Variants in TANC2 observed in about 807,000 individuals in gnomAD.
The protein encoded by TANC2 is tetratricopeptide repeat, ankyrin repeat and coiled-coil containing 2.
TANC2 carries 26 observed loss-of-function variants against 210.5 expected under a neutral mutation model. The ratio of observed to expected loss-of-function variants is 0.12; its 90% CI spans 0.09 to 0.17. The LOEUF (loss-of-function observed/expected upper bound fraction) is 0.17, where lower values mean the gene tolerates loss of function less well. TANC2 is among the 10% of genes least tolerant of loss of function. The pLI is 1.00. For missense variants in TANC2, 2,129 were observed against 2,608.9 expected (o/e 0.82, Z 4.01); for synonymous variants, 931 against 967.1 (o/e 0.96, Z 0.69).
At chr17:63,237,083 T>C (rs1170529003) in intron 7 of TANC2, among the ~76,000 whole-genome samples, 1 of 152,166 alleles carries the variant, frequency 6.6e-6, no homozygotes, top group African/African-American at 2.4e-5. Context: ...TCCTTAATGG[T>C]TGTTGTAATT....
intron 2 of TANC2, among the ~76,000 whole-genome samples, chr17:63,033,117 A>G (rs1209981155): frequency 6.6e-6 from 1 of 152,208 alleles, no homozygotes; most frequent in Non-Finnish European, 1.5e-5. Flanking sequence ...CTCCTGTGGA[A>G]TTGGGGTGCC....
At chr17:63,039,309 G>C (rs2035092387) in intron 2 of TANC2, among the ~76,000 whole-genome samples, 1 of 152,028 alleles carries the variant, frequency 6.6e-6, no homozygotes, top group Non-Finnish European at 1.5e-5. Flanking sequence ...ATTTATTTTT[G>C]GCTACTTAAT....
intron 7 of TANC2, among the ~76,000 whole-genome samples, chr17:63,202,947 A>G (rs1038459284): frequency 3.9e-5 from 6 of 152,126 alleles, no homozygotes; most frequent in Admixed American, 3.3e-4. Flanking sequence ...ATGAACACCA[A>G]ATTTCTTGCT....
intron 4 of TANC2, among the ~76,000 whole-genome samples, chr17:63,136,418 T>C (rs1334438086): frequency 1.3e-5 from 2 of 152,214 alleles, no homozygotes; most frequent in Non-Finnish European, 2.9e-5. Flanking sequence ...ATCCCCAGTT[T>C]TCTTAGGCCT....
chr17:63,407,396 T>C (rs966757762), intron 21 of TANC2, among the ~76,000 whole-genome samples: 3 of 152,174 alleles, frequency 2.0e-5, no homozygotes, highest in Admixed American at 2.0e-4. Flanking sequence ...AGAGTAATAT[T>C]CCAGAACAAA....
intron 2 of TANC2, among the ~76,000 whole-genome samples, chr17:63,063,674 T>TGTGTGTGTGTGTGTGTG (rs2036089000): frequency 1.0e-4 from 14 of 137,422 alleles, no homozygotes; most frequent in Non-Finnish European, 1.4e-4. Context: ...TTACCCAGTA[T>TGTGTGTGTGTGTGTGTG]TGTGTGTGTG....
At chr17:63,222,718 T>TA (rs2042226578) in intron 7 of TANC2, among the ~76,000 whole-genome samples, 1 of 111,132 alleles carries the variant, frequency 9.0e-6, no homozygotes, top group Non-Finnish European at 1.8e-5. Context: ...TAAAACTGAT[T>TA]AAACACACAC....
intron 4 of TANC2, among the ~76,000 whole-genome samples, chr17:63,143,242 T>A (rs1476004824): frequency 6.6e-6 from 1 of 152,238 alleles, no homozygotes; most frequent in Non-Finnish European, 1.5e-5. Context: ...AGTTTTCATG[T>A]TTGTGAAGTA....
chr17:63,408,279 C>G (rs1473505717), intron 21 of TANC2, among the ~76,000 whole-genome samples: 1 of 152,150 alleles, frequency 6.6e-6, no homozygotes, highest in Non-Finnish European at 1.5e-5. Flanking sequence ...TTAAAGATAA[C>G]TCCAGAGTTG....
intron 5 of TANC2, among the ~76,000 whole-genome samples, chr17:63,165,522 C>G (rs1349280900): frequency 6.6e-6 from 1 of 152,166 alleles, no homozygotes; most frequent in Non-Finnish European, 1.5e-5. Context: ...GTCTGTAGGT[C>G]TTTCCCATTA....
chr17:62,986,047 C>T (rs764254341), intron 1 of TANC2, among the ~76,000 whole-genome samples: 52 of 152,114 alleles, frequency 3.4e-4, no homozygotes, highest in Non-Finnish European at 6.6e-4. Context: ...CTTGGCATGA[C>T]GGTTAGGTGG....
intron 7 of TANC2, among the ~76,000 whole-genome samples, chr17:63,231,285 T>TA (rs2042469422): frequency 6.6e-6 from 1 of 152,198 alleles, no homozygotes; most frequent in African/African-American, 2.4e-5. Flanking sequence ...TGTGTGTGAA[T>TA]TTGATCCTGT....
At chr17:63,295,274 T>C (rs1226946793) in intron 9 of TANC2, among the ~76,000 whole-genome samples, 1 of 152,196 alleles carries the variant, frequency 6.6e-6, no homozygotes, top group Admixed American at 6.5e-5. Context: ...CTTTTGTGAA[T>C]TAATTACGTT....
intron 3 of TANC2, among the ~76,000 whole-genome samples, chr17:63,082,667 A>T (rs1223411615): frequency 6.6e-6 from 1 of 152,172 alleles, no homozygotes; most frequent in Non-Finnish European, 1.5e-5. Context: ...CGGCACATGT[A>T]TGGACTGTAG....
At chr17:63,327,380 G>A (rs1178141809) in intron 11 of TANC2, among the ~76,000 whole-genome samples, 1 of 152,178 alleles carries the variant, frequency 6.6e-6, no homozygotes, top group Non-Finnish European at 1.5e-5. Context: ...AAGTATATAT[G>A]CAAAGAAACT....
At chr17:63,411,795 C>A in intron 22 of TANC2, 109 bp downstream of exon 22, 2 of 1,439,446 alleles carry the variant, frequency 1.4e-6, no homozygotes, top group Non-Finnish European at 9.4e-7. Flanking sequence ...TGATACAGAG[C>A]TCTCAGATCT....
chr17:62,981,149 G>A (rs888012137), intron 1 of TANC2, among the ~76,000 whole-genome samples: 4 of 152,088 alleles, frequency 2.6e-5, no homozygotes, highest in Non-Finnish European at 4.4e-5. Flanking sequence ...GTTCTTTCAC[G>A]TTCCCATTGC....
intron 9 of TANC2, among the ~76,000 whole-genome samples, chr17:63,311,213 C>T (rs2045114528): frequency 2.6e-5 from 4 of 151,764 alleles, no homozygotes; most frequent in Admixed American, 1.3e-4. Context: ...AGTGGAAAAC[C>T]AAAATAATCT....
At chr17:63,337,814 A>G (rs770358011) in intron 11 of TANC2, among the ~76,000 whole-genome samples, 1 of 151,910 alleles carries the variant, frequency 6.6e-6, no homozygotes, top group African/African-American at 2.4e-5. Flanking sequence ...GTTTCCCTCT[A>G]CATGCCTATG....
Sources: allele counts gnomAD v4.1 joint callset (sites outside exome capture counted in the v4.1 genomes callset), GRCh38; gene constraint gnomAD v4.1.1; transcripts MANE v1.5; gene names NCBI Gene and HGNC (gene_info 2026-07-23, HGNC 2026-07-21).